FLVCR2: variants seen among roughly 807,000 people sequenced by gnomAD.
FLVCR2 encodes choline/ethanolamine transporter FLVCR2.
In FLVCR2, 38 loss-of-function variants were observed where a neutral mutation model predicts 48.9. The observed-to-expected ratio is 0.78, with a 90% confidence interval of 0.60 to 1.02. FLVCR2 has a LOEUF of 1.02. FLVCR2 is among the 50% of genes least tolerant of loss of function. The probability of loss-of-function intolerance (pLI) is 0.00; values close to 1 mark genes in which losing one functional copy is unlikely to be tolerated. For synonymous variants in FLVCR2, 255 were observed against 257.0 expected (o/e 0.99, Z 0.07); for missense variants, 664 against 663.3 (o/e 1.00, Z -0.01).
At chr14:75,593,973 A>G (rs1228150257) in intron 1 of FLVCR2, among the ~76,000 whole-genome samples, 1 of 152,140 alleles carries the variant, frequency 6.6e-6, no homozygotes, top group Non-Finnish European at 1.5e-5. Flanking sequence ...ATGTTTTACT[A>G]TATGTGCTTC....
chr14:75,586,778 A>C (rs1888763237), intron 1 of FLVCR2, among the ~76,000 whole-genome samples: 1 of 151,970 alleles, frequency 6.6e-6, no homozygotes, highest in East Asian at 1.9e-4. Context: ...CTTGCATTAA[A>C]ATCCAACATT....
chr14:75,627,185 T>C (rs1472564952), intron 3 of FLVCR2, among the ~76,000 whole-genome samples: 2 of 152,004 alleles, frequency 1.3e-5, no homozygotes, highest in Admixed American at 6.5e-5. Flanking sequence ...TCTGACAAAG[T>C]AGTTTTAATC....
At chr14:75,627,776 G>T (rs1889942046) in intron 3 of FLVCR2, among the ~76,000 whole-genome samples, 1 of 152,206 alleles carries the variant, frequency 6.6e-6, no homozygotes, top group African/African-American at 2.4e-5. Flanking sequence ...CAGTTGGGGT[G>T]AACAAGAGGC....
At chr14:75,641,603 G>A (rs2140054947) in intron 8 of FLVCR2, among the ~76,000 whole-genome samples, 1 of 152,250 alleles carries the variant, frequency 6.6e-6, no homozygotes, top group Non-Finnish European at 1.5e-5. Context: ...AGAGCAATGT[G>A]TGCAAAGTCC....
intron 1 of FLVCR2, among the ~76,000 whole-genome samples, chr14:75,587,522 G>T (rs779591208): frequency 6.6e-6 from 1 of 152,180 alleles, no homozygotes; most frequent in Non-Finnish European, 1.5e-5. Context: ...TGAGGGTGGA[G>T]TCTTTAGCAG....
At chr14:75,630,978 C>T (rs1890024872) in intron 3 of FLVCR2, among the ~76,000 whole-genome samples, 1 of 152,216 alleles carries the variant, frequency 6.6e-6, no homozygotes, top group African/African-American at 2.4e-5. Flanking sequence ...TCCTGCCCTT[C>T]TGTGTGGGAT....
rs112912201 is a variant in FLVCR2 at position 75,615,784 on chromosome 14, CCGAGGCGGG to C, written c.670-6292_670-6284del. On this transcript the variant is annotated intron_variant, in intron 1 of 9. Transcript: ENST00000238667. ...CCTATAATCCCAGCATTTTGGGAGG[CCGAGGCGGG>C]CGGATCACAAGGTCAGGAGATTGAG... 4.4e-3 allele frequency among the ~76,000 whole-genome samples: 669 copies of C among 151,298 alleles called. 8 individuals are homozygous for C. The highest frequency in any genetic ancestry group is 0.015 in the African/African-American group (635 of 41,238).
chr14:75,608,818 G>A (rs1339470709), intron 1 of FLVCR2, among the ~76,000 whole-genome samples: 2 of 152,110 alleles, frequency 1.3e-5, no homozygotes, highest in Non-Finnish European at 2.9e-5. Flanking sequence ...GTATTCTCAT[G>A]CTGCCCCACC....
intron 1 of FLVCR2, among the ~76,000 whole-genome samples, chr14:75,582,693 G>A (rs534563092): frequency 6.6e-6 from 1 of 152,286 alleles, no homozygotes; most frequent in South Asian, 2.1e-4. Flanking sequence ...GATGAGTTAG[G>A]GAGATCTTGT....
intron 1 of FLVCR2, among the ~76,000 whole-genome samples, chr14:75,620,849 T>C (rs1889744963): frequency 6.6e-6 from 1 of 152,228 alleles, no homozygotes; most frequent in Non-Finnish European, 1.5e-5. Context: ...TGGCAGTTGA[T>C]GGATGATGTG....
chr14:75,616,925 G>A (rs113287152), intron 1 of FLVCR2, among the ~76,000 whole-genome samples: 45 of 152,208 alleles, frequency 3.0e-4, no homozygotes, highest in African/African-American at 9.9e-4. Context: ...AGAGCTCCTT[G>A]CCTTGCCTTT....
chr14:75,613,281 C>A (rs972875209), intron 1 of FLVCR2, among the ~76,000 whole-genome samples: 3 of 151,964 alleles, frequency 2.0e-5, no homozygotes, highest in Non-Finnish European at 2.9e-5. Flanking sequence ...TCTGGCGGGG[C>A]CTTAGGAAGC....
chr14:75,622,965 TTTTATTTA>T (rs143746295), intron 2 of FLVCR2, among the ~76,000 whole-genome samples: 10,548 of 151,918 alleles, frequency 0.069, 406 homozygotes, highest in African/African-American at 0.098. Flanking sequence ...ACTGTTAATG[TTTTATTTA>T]TTTATTTATT....
At chr14:75,623,509 T>A (rs994986859) in intron 2 of FLVCR2, among the ~76,000 whole-genome samples, 5 of 152,228 alleles carry the variant, frequency 3.3e-5, no homozygotes, top group African/African-American at 1.2e-4. Flanking sequence ...GTTTCATTCC[T>A]GCCTACTGAC....
At chr14:75,619,269 G>C (rs971670249) in intron 1 of FLVCR2, among the ~76,000 whole-genome samples, 3 of 151,976 alleles carry the variant, frequency 2.0e-5, no homozygotes, top group Non-Finnish European at 4.4e-5. Context: ...AGTTATTGGG[G>C]TTAAATGAAA....
At position 75,578,815 on chromosome 14, in the gene FLVCR2, A is replaced by G. The variant is rs1888517642; in HGVS notation, c.-158A>G. 1 of 706,484 alleles carries G rather than the reference A, an allele frequency of 1.4e-6. No individual in the cohort carries two copies. Among genetic ancestry groups the G allele is most frequent in the Non-Finnish European group, 2.5e-6 (1 of 405,744 alleles). The allele number at this position is 706,484 out of a possible 1,614,324, so 43.8% of individuals were successfully genotyped here. On this transcript the variant is annotated 5_prime_UTR_variant, in exon 1 of 10. Coordinates refer to ENST00000238667, the MANE Select transcript of FLVCR2 (RefSeq NM_017791.3). The stretch of plus-strand genomic sequence containing the variant: ...GGAGCAGGAGCTTGGAGGTGAGCAC[A>G]GGAAGCCCCACTTGAGGCTTTTACG...
intron 1 of FLVCR2, among the ~76,000 whole-genome samples, chr14:75,593,104 C>T (rs981164885): frequency 7.2e-5 from 11 of 152,072 alleles, no homozygotes; most frequent in Non-Finnish European, 1.2e-4. Context: ...TTTCTGAGCC[C>T]TCATCAAAAT....
At chr14:75,580,151 G>A (rs1171039003) in intron 1 of FLVCR2, among the ~76,000 whole-genome samples, 2 of 152,246 alleles carry the variant, frequency 1.3e-5, no homozygotes, top group Non-Finnish European at 2.9e-5. Context: ...AGTGGGAGCA[G>A]TGCTTTGTGC....
chr14:75,579,674 G>T (rs1323214357), intron 1 of FLVCR2, 33 bp downstream of exon 1: 1 of 1,610,258 alleles, frequency 6.2e-7, no homozygotes, highest in Non-Finnish European at 8.5e-7. Context: ...GTTCCCAGGG[G>T]CGTGTGTTAG....
Sources: gnomAD v4.1 joint callset for allele counts (sites outside exome capture counted in the v4.1 genomes callset) on GRCh38, gnomAD v4.1.1 for gene constraint, MANE v1.5 for transcripts, NCBI Gene and HGNC (gene_info 2026-07-23, HGNC 2026-07-21) for gene names.